ADGRV1: variants seen among roughly 807,000 people sequenced by gnomAD.
ADGRV1 encodes the protein adhesion G protein-coupled receptor V1, also known as G-protein coupled receptor 98.
In ADGRV1, 359 loss-of-function variants were observed where a neutral mutation model predicts 596.2. The ratio of observed to expected loss-of-function variants is 0.60; its 90% CI spans 0.55 to 0.66. The LOEUF (loss-of-function observed/expected upper bound fraction) is 0.66, where lower values mean the gene tolerates loss of function less well. Among genes scored for constraint, ADGRV1 ranks in the 30% least tolerant of loss-of-function variants. ADGRV1 has a pLI of 0.00. For missense variants in ADGRV1, 7,274 were observed against 7,575.6 expected, an observed-to-expected ratio of 0.96 and a Z score of 1.48; for synonymous variants, 2,681 against 2,679.2, an observed-to-expected ratio of 1.00 and a Z score of -0.02.
chr5:90,732,789 T>A lies in ADGRV1; in HGVS notation c.10549+3025T>A, dbSNP rs11957161. On this transcript the variant is annotated intron_variant, in intron 50 of 89. Coordinates refer to ENST00000405460, the MANE Select transcript of ADGRV1 (RefSeq NM_032119.4). Reference sequence around the variant, plus strand: ...CAGTCATTTAGCCTCTGCTAAGTTCTGTACACTCATGAAAGAATGAGAATG... The same window carrying A: ...CAGTCATTTAGCCTCTGCTAAGTTCAGTACACTCATGAAAGAATGAGAATG... 9.9e-3 allele frequency among the ~76,000 whole-genome samples: 1,508 copies of A among 152,364 alleles called. 29 individuals carry two copies. The highest frequency in any genetic ancestry group is 0.034 in the African/African-American group (1,427 of 41,580).
chr5:91,034,100 T>G (rs755477284), intron 85 of ADGRV1, among the ~76,000 whole-genome samples: 19 of 152,140 alleles, frequency 1.2e-4, no homozygotes, highest in Non-Finnish European at 2.5e-4. Flanking sequence ...ATACTAAATT[T>G]TAAAAAATTT....
intron 25 of ADGRV1, among the ~76,000 whole-genome samples, chr5:90,679,063 T>G (rs1744606831): frequency 6.6e-6 from 1 of 152,092 alleles, no homozygotes; most frequent in African/African-American, 2.4e-5. Flanking sequence ...GTGATCAAGT[T>G]TGAGAATGGT....
chr5:90,804,608 A>G (rs1761725919), intron 71 of ADGRV1, among the ~76,000 whole-genome samples: 1 of 152,208 alleles, frequency 6.6e-6, no homozygotes, highest in African/African-American at 2.4e-5. Context: ...TGGTATCCCA[A>G]ATTTATAGCT....
At chr5:90,621,807 A>T (rs921974488) in intron 4 of ADGRV1, among the ~76,000 whole-genome samples, 2 of 152,152 alleles carry the variant, frequency 1.3e-5, no homozygotes, top group East Asian at 3.9e-4. Context: ...GAGGATGATT[A>T]TGTTGGTAGT....
chr5:90,966,423 T>C (rs1444668350), intron 84 of ADGRV1, among the ~76,000 whole-genome samples: 1 of 148,626 alleles, frequency 6.7e-6, no homozygotes, highest in Non-Finnish European at 1.5e-5. Flanking sequence ...TCCCAGCTAC[T>C]AGGGAGGCTG....
intron 83 of ADGRV1, among the ~76,000 whole-genome samples, chr5:90,895,893 C>T (rs1561908751): frequency 6.6e-6 from 1 of 152,084 alleles, no homozygotes; most frequent in Non-Finnish European, 1.5e-5. Context: ...TGAACTGCTT[C>T]TGTTAATTTT....
At chr5:91,113,922 A>G (rs2367282) in intron 87 of ADGRV1, among the ~76,000 whole-genome samples, 89,852 of 151,268 alleles carry the variant, frequency 0.59, 27,193 homozygotes, top group Non-Finnish European at 0.64. Flanking sequence ...GCATCTCAAA[A>G]AAAGAGAAAA....
chr5:91,144,100 G>A lies in ADGRV1; in HGVS notation c.18433-5930G>A, dbSNP rs573549015. Among the ~76,000 whole-genome samples the A allele has an allele frequency of 1.2e-4, 18 of 152,248 alleles. No homozygotes were observed. In the East Asian group the frequency reaches 3.5e-3, roughly 30 times the overall value. On this transcript the variant is annotated intron_variant, in intron 87 of 89. Transcript: ENST00000405460. ...GCAGTGGGGGGCTTCCTGGGCCCTTGAGAGTGCAGAGATGCCCAGGTCTGC... is the reference window on the plus strand; with the variant it reads ...GCAGTGGGGGGCTTCCTGGGCCCTTAAGAGTGCAGAGATGCCCAGGTCTGC...
At chr5:91,102,698 G>A (rs988646003) in intron 87 of ADGRV1, among the ~76,000 whole-genome samples, 1 of 152,214 alleles carries the variant, frequency 6.6e-6, no homozygotes, top group Non-Finnish European at 1.5e-5. Flanking sequence ...GCTGGGTCTA[G>A]AAATTAGATC....
intron 85 of ADGRV1, among the ~76,000 whole-genome samples, chr5:91,037,899 C>T (rs538535060): frequency 6.6e-6 from 1 of 152,234 alleles, no homozygotes; most frequent in South Asian, 2.1e-4. Flanking sequence ...TGTGATAGGC[C>T]ACAGTCAAAA....
At chr5:91,024,394 A>G (rs550466598) in intron 85 of ADGRV1, among the ~76,000 whole-genome samples, 1 of 152,266 alleles carries the variant, frequency 6.6e-6, no homozygotes, top group African/African-American at 2.4e-5. Context: ...TTGCTCTATT[A>G]ACTACTGTCT....
intron 83 of ADGRV1, among the ~76,000 whole-genome samples, chr5:90,901,524 C>G (rs376950520): frequency 6.6e-6 from 1 of 152,218 alleles, no homozygotes; most frequent in East Asian, 1.9e-4. Flanking sequence ...GACTTTTGCT[C>G]CAGCTACTTA....
At chr5:90,659,548 G>A (rs1769934188) in intron 21 of ADGRV1, among the ~76,000 whole-genome samples, 1 of 152,204 alleles carries the variant, frequency 6.6e-6, no homozygotes, top group Admixed American at 6.5e-5. Context: ...AGATTTTAAA[G>A]TACTAGAGTA....
chr5:90,882,175 A>G (rs891196458), intron 83 of ADGRV1, among the ~76,000 whole-genome samples: 6 of 152,210 alleles, frequency 3.9e-5, no homozygotes, highest in African/African-American at 1.4e-4. Context: ...TTATCTATAG[A>G]TTTTAGATTG....
chr5:91,091,802 G>A (rs28668531), intron 86 of ADGRV1: 39,579 of 151,688 alleles, frequency 0.26, 7,393 homozygotes, highest in African/African-American at 0.52. Context: ...GGTGAAGCTA[G>A]CCTTCCTCCA....
chr5:91,051,600 G>A (rs1283142674), intron 85 of ADGRV1, among the ~76,000 whole-genome samples: 1 of 140,954 alleles, frequency 7.1e-6, no homozygotes, highest in African/African-American at 2.7e-5. Context: ...AGGCTGGAGT[G>A]CAGTGGCGCG....
rs964999378 is a variant in ADGRV1 at position 90,805,543 on chromosome 5, C to T, written c.14836+85C>T. The T allele has an allele frequency of 1.2e-5, 14 of 1,127,658 alleles. No homozygotes were observed. In the Admixed American group the frequency reaches 2.6e-4, roughly 21 times the overall value. The allele number at this position is 1,127,658 out of a possible 1,614,324, so 69.9% of individuals were successfully genotyped here. Reference sequence around the variant, plus strand: ...CTAATTGTCTTGGGTTATCCTTATTCTGGACACTAAATGTAGTTTTCGAAT... The same window carrying T: ...CTAATTGTCTTGGGTTATCCTTATTTTGGACACTAAATGTAGTTTTCGAAT... On this transcript the variant is annotated intron_variant, in intron 72 of 89. Transcript: ENST00000405460.
intron 85 of ADGRV1, among the ~76,000 whole-genome samples, chr5:91,064,142 C>G (rs1162742908): frequency 6.6e-6 from 1 of 152,038 alleles, no homozygotes; most frequent in Non-Finnish European, 1.5e-5. Context: ...CTGCTAAGAA[C>G]CAGTTAAATC....
At chr5:90,878,638 T>C (rs1769445628) in intron 83 of ADGRV1, among the ~76,000 whole-genome samples, 1 of 152,168 alleles carries the variant, frequency 6.6e-6, no homozygotes, top group Non-Finnish European at 1.5e-5. Context: ...TGCCTCTATG[T>C]TCACAGTCAT....
Sources: gnomAD v4.1 joint callset for allele counts (sites outside exome capture counted in the v4.1 genomes callset) on GRCh38, gnomAD v4.1.1 for gene constraint, MANE v1.5 for transcripts, NCBI Gene and HGNC (gene_info 2026-07-23, HGNC 2026-07-21) for gene names.